GALNT17: variants seen among roughly 807,000 people sequenced by gnomAD.
GALNT17 encodes the protein UDP-GalNAc:polypeptide N-acetylgalactosaminyltransferase-like 3.
GALNT17 carries 29 observed loss-of-function variants against 63.7 expected under a neutral mutation model. The observed-to-expected ratio is 0.46, with a 90% CI of 0.34 to 0.62. GALNT17 has a LOEUF of 0.62. GALNT17 is among the 20% of genes least tolerant of loss of function. The pLI, the probability that GALNT17 is intolerant of heterozygous loss-of-function variation, is 0.01. For missense variants in GALNT17, 603 were observed against 799.6 expected, an observed-to-expected ratio of 0.75 and a Z score of 2.97; for synonymous variants, 305 against 318.3, an observed-to-expected ratio of 0.96 and a Z score of 0.45.
intron 2 of GALNT17, among the ~76,000 whole-genome samples, chr7:71,353,679 A>G (rs965902030): frequency 3.3e-5 from 5 of 152,178 alleles, no homozygotes; most frequent in Admixed American, 6.5e-5. Flanking sequence ...CAGGACACAC[A>G]TGAGGGAAAG....
intron 1 of GALNT17, among the ~76,000 whole-genome samples, chr7:71,307,171 A>C (rs1261819919): frequency 1.3e-5 from 2 of 151,998 alleles, no homozygotes; most frequent in Non-Finnish European, 2.9e-5. Context: ...AAATTCCTGG[A>C]TCCTGTGGTA....
At chr7:71,237,807 G>A (rs1789923125) in intron 1 of GALNT17, among the ~76,000 whole-genome samples, 1 of 152,142 alleles carries the variant, frequency 6.6e-6, no homozygotes, top group Non-Finnish European at 1.5e-5. Context: ...TTTTGGGGAT[G>A]TTTTCCCATC....
At chr7:71,414,576 C>T (rs990405825) in intron 3 of GALNT17, among the ~76,000 whole-genome samples, 2 of 152,142 alleles carry the variant, frequency 1.3e-5, no homozygotes, top group South Asian at 2.1e-4. Context: ...CCTGAAGTCT[C>T]GCAACTTCTT....
intron 1 of GALNT17, among the ~76,000 whole-genome samples, chr7:71,238,325 A>G (rs1228030902): frequency 6.6e-6 from 1 of 152,126 alleles, no homozygotes; most frequent in African/African-American, 2.4e-5. Flanking sequence ...TCTCTCCCAG[A>G]AGCCTTTCAC....
At chr7:71,499,793 C>G (rs1310399757) in intron 5 of GALNT17, among the ~76,000 whole-genome samples, 1 of 152,316 alleles carries the variant, frequency 6.6e-6, no homozygotes, top group East Asian at 1.9e-4. Flanking sequence ...TGTCCCCCCA[C>G]AAATCTCATC....
intron 1 of GALNT17, among the ~76,000 whole-genome samples, chr7:71,220,249 G>T (rs1469068095): frequency 6.6e-6 from 1 of 152,190 alleles, no homozygotes; most frequent in Non-Finnish European, 1.5e-5. Context: ...GGATGGAGCG[G>T]GTGAGCTCTG....
intron 1 of GALNT17, among the ~76,000 whole-genome samples, chr7:71,334,547 A>G (rs1402368982): frequency 6.6e-6 from 1 of 152,214 alleles, no homozygotes; most frequent in Non-Finnish European, 1.5e-5. Context: ...CCTTAACAAC[A>G]AAAGTTTTCT....
intron 1 of GALNT17, among the ~76,000 whole-genome samples, chr7:71,151,357 C>G (rs922296537): frequency 4.6e-5 from 7 of 151,986 alleles, no homozygotes; most frequent in Non-Finnish European, 8.8e-5. Flanking sequence ...CGTGGTGGCT[C>G]ACGCCTGTAG....
At chr7:71,391,023 G>A (rs527596311) in intron 3 of GALNT17, among the ~76,000 whole-genome samples, 31 of 152,334 alleles carry the variant, frequency 2.0e-4, no homozygotes, top group African/African-American at 7.2e-4. Flanking sequence ...ACTAGCTGTC[G>A]CACTTACTAG....
intron 3 of GALNT17, among the ~76,000 whole-genome samples, chr7:71,397,544 A>T (rs1249359356): frequency 2.6e-5 from 4 of 152,168 alleles, no homozygotes; most frequent in Non-Finnish European, 4.4e-5. Context: ...TCATTCAGGC[A>T]ATCCATCCTC....
intron 1 of GALNT17, among the ~76,000 whole-genome samples, chr7:71,189,066 C>G (rs1308732155): frequency 6.6e-6 from 1 of 152,206 alleles, no homozygotes; most frequent in Non-Finnish European, 1.5e-5. Flanking sequence ...CCACCCAAGT[C>G]TCATCTTGAA....
intron 1 of GALNT17, among the ~76,000 whole-genome samples, chr7:71,155,032 A>G (rs1297615539): frequency 6.6e-6 from 1 of 151,804 alleles, no homozygotes; most frequent in Non-Finnish European, 1.5e-5. Flanking sequence ...AGTGGGGGTT[A>G]GGTTGGCTAA....
At chr7:71,193,066 CATTTATTTATTTATTT>C (rs138751530) in intron 1 of GALNT17, among the ~76,000 whole-genome samples, 6,310 of 140,656 alleles carry the variant, frequency 0.045, 460 homozygotes, top group African/African-American at 0.15. Context: ...CATCATCTAC[CATTTATTTATTTATTT>C]ATTTATTTAT....
intron 1 of GALNT17, among the ~76,000 whole-genome samples, chr7:71,204,707 C>T (rs57743710): frequency 5.3e-5 from 8 of 151,340 alleles, no homozygotes; most frequent in South Asian, 2.1e-4. Context: ...CTGAAACTAC[C>T]GGCATGCACC....
intron 3 of GALNT17, among the ~76,000 whole-genome samples, chr7:71,389,137 G>C (rs1324053887): frequency 2.0e-5 from 3 of 150,506 alleles, no homozygotes; most frequent in Non-Finnish European, 4.4e-5. Flanking sequence ...TTGTACCCCT[G>C]CCCTTTTTTT....
chr7:71,664,388 T>C (rs574735712), intron 6 of GALNT17, among the ~76,000 whole-genome samples: 8 of 152,198 alleles, frequency 5.3e-5, no homozygotes, highest in Middle Eastern at 3.4e-3. Context: ...GGTGGAAGAA[T>C]CGCTTGAGAC....
chr7:71,139,323 A>C (rs1182943289), intron 1 of GALNT17, among the ~76,000 whole-genome samples: 2 of 152,158 alleles, frequency 1.3e-5, no homozygotes, highest in Non-Finnish European at 2.9e-5. Flanking sequence ...TCCTCTCCTC[A>C]GAGTCCACAC....
At chr7:71,409,596 A>C (rs1793394814) in intron 3 of GALNT17, among the ~76,000 whole-genome samples, 2 of 152,318 alleles carry the variant, frequency 1.3e-5, no homozygotes, top group South Asian at 2.1e-4. Flanking sequence ...GACTTGGCCA[A>C]GTCCTGGACT....
chr7:71,563,976 C>T (rs897441142), intron 5 of GALNT17, among the ~76,000 whole-genome samples: 1 of 152,154 alleles, frequency 6.6e-6, no homozygotes, highest in African/African-American at 2.4e-5. Context: ...CCTCCTGTCT[C>T]GGCCTTCCAA....
Sources: allele counts gnomAD v4.1 joint callset (sites outside exome capture counted in the v4.1 genomes callset), GRCh38; gene constraint gnomAD v4.1.1; transcripts MANE v1.5; gene names NCBI Gene and HGNC (gene_info 2026-07-23, HGNC 2026-07-21).